FER: variants seen among roughly 807,000 people sequenced by gnomAD.
FER encodes the protein FER tyrosine kinase.
In FER, 63 loss-of-function variants were observed where a neutral mutation model predicts 111.0. That is an observed-to-expected ratio of 0.57 (90% CI 0.46 to 0.70). FER has a LOEUF of 0.70. FER is among the 30% of genes least tolerant of loss of function. FER has a pLI of 0.00. For synonymous variants in FER, 327 were observed against 313.9 expected, an observed-to-expected ratio of 1.04 and a Z score of -0.44; for missense variants, 914 against 954.0, an observed-to-expected ratio of 0.96 and a Z score of 0.55.
At chr5:109,017,325 T>G (rs1767282299) in intron 13 of FER, among the ~76,000 whole-genome samples, 1 of 151,988 alleles carries the variant, frequency 6.6e-6, no homozygotes, top group Non-Finnish European at 1.5e-5. Context: ...GACAAGATAG[T>G]TATTATAGAA....
At chr5:109,177,405 G>A (rs1757817864) in intron 17 of FER, 1 of 150,918 alleles carries the variant, frequency 6.6e-6, no homozygotes, top group African/African-American at 2.4e-5. Flanking sequence ...GACCCAGTGG[G>A]AATAGTTTTT....
At chr5:108,897,487 C>G (rs1749319502) in intron 9 of FER, among the ~76,000 whole-genome samples, 172 bp from the exon 10 acceptor site, 1 of 152,102 alleles carries the variant, frequency 6.6e-6, no homozygotes, top group South Asian at 2.1e-4. Context: ...TTTGTTAATG[C>G]TAGCATGTAA....
chr5:108,753,397 C>T (rs559504741), intron 1 of FER, among the ~76,000 whole-genome samples: 200 of 152,116 alleles, frequency 1.3e-3, no homozygotes, highest in African/African-American at 4.3e-3. Flanking sequence ...CTTATTGTAT[C>T]TCAGCAGGGA....
At chr5:108,802,773 T>A (rs978848489) in intron 3 of FER, among the ~76,000 whole-genome samples, 2 of 152,084 alleles carry the variant, frequency 1.3e-5, no homozygotes, top group Non-Finnish European at 2.9e-5. Flanking sequence ...CCTTAAAACT[T>A]ACGAATTTTC....
At chr5:108,926,114 CTTT>C (rs1456887265) in intron 10 of FER, among the ~76,000 whole-genome samples, 1 of 149,912 alleles carries the variant, frequency 6.7e-6, no homozygotes, top group Non-Finnish European at 1.5e-5. Context: ...ACATTTTGTG[CTTT>C]TTATTTATTT....
chr5:109,008,943 C>G (rs1765857836), intron 13 of FER, among the ~76,000 whole-genome samples: 1 of 152,082 alleles, frequency 6.6e-6, no homozygotes, highest in African/African-American at 2.4e-5. Context: ...GCACTCTAGC[C>G]TGGGCAACAA....
At chr5:108,899,754 A>G (rs1191790050) in intron 10 of FER, among the ~76,000 whole-genome samples, 2 of 151,662 alleles carry the variant, frequency 1.3e-5, no homozygotes, top group Non-Finnish European at 2.9e-5. Context: ...CAGTGAGCTG[A>G]GATCGTGCCA....
intron 17 of FER, among the ~76,000 whole-genome samples, chr5:109,110,884 C>T (rs1023259023): frequency 8.5e-5 from 13 of 152,048 alleles, no homozygotes; most frequent in African/African-American, 2.9e-4. Context: ...TCTACTGGGA[C>T]GCTACTATAT....
intron 13 of FER, among the ~76,000 whole-genome samples, chr5:109,001,872 C>A (rs919717275): frequency 6.6e-6 from 1 of 152,118 alleles, no homozygotes; most frequent in African/African-American, 2.4e-5. Flanking sequence ...CATGAGTGAA[C>A]TCCCATTCAC....
chr5:109,150,139 A>G (rs542973501), intron 17 of FER, among the ~76,000 whole-genome samples: 8 of 152,114 alleles, frequency 5.3e-5, no homozygotes, highest in Non-Finnish European at 1.0e-4. Flanking sequence ...TGGTGCCAAA[A>G]GCGCTGGGGA....
intron 13 of FER, among the ~76,000 whole-genome samples, chr5:109,035,703 C>A (rs1010345924): frequency 2.0e-5 from 3 of 152,088 alleles, no homozygotes. Context: ...TGAGAAACTT[C>A]CAAATTATTT....
intron 2 of FER, among the ~76,000 whole-genome samples, chr5:108,770,982 G>C (rs1053139994): frequency 4.7e-4 from 72 of 151,840 alleles, no homozygotes; most frequent in South Asian, 2.1e-4. Context: ...TGTCACCCAG[G>C]CTGGAGTGCA....
chr5:108,779,968 A>T (rs1753877377), intron 2 of FER, among the ~76,000 whole-genome samples: 1 of 152,228 alleles, frequency 6.6e-6, no homozygotes. Flanking sequence ...ATAAGCATAT[A>T]TCTGTATACA....
At chr5:108,992,703 G>A (rs1470523489) in intron 13 of FER, among the ~76,000 whole-genome samples, 2 of 151,808 alleles carry the variant, frequency 1.3e-5, no homozygotes, top group Admixed American at 6.6e-5. Flanking sequence ...CCTCCCGGAT[G>A]GGGTGGCTGC....
intron 16 of FER, among the ~76,000 whole-genome samples, chr5:109,060,012 C>T (rs893699230): frequency 2.6e-5 from 4 of 152,098 alleles, no homozygotes; most frequent in African/African-American, 9.7e-5. Context: ...AAATGAGCTA[C>T]TAATATATGC....
chr5:109,037,505 C>A, intron 14 of FER, 27 bp downstream of exon 14: 2 of 1,590,536 alleles, frequency 1.3e-6, no homozygotes. Flanking sequence ...GCTAAATAAC[C>A]AGAAGTCTCT....
At chr5:108,898,528 T>C (rs547365187) in intron 10 of FER, among the ~76,000 whole-genome samples, 1 of 144,734 alleles carries the variant, frequency 6.9e-6, no homozygotes, top group East Asian at 2.1e-4. Context: ...TCTTCCTTCC[T>C]TTCCCTCCCT....
Position 108,798,407 on chromosome 5 carries a change from ACT to A in FER, c.207+21_207+22del, listed in dbSNP as rs777136210. 1.9e-6 allele frequency: 3 copies of A among 1,570,694 alleles called. No individual in the cohort carries two copies. The highest frequency in any genetic ancestry group is 2.6e-6 in the Non-Finnish European group (3 of 1,143,410). On this transcript the variant is annotated intron_variant, in intron 3 of 19. Coordinates refer to ENST00000281092, the MANE Select transcript of FER (RefSeq NM_005246.4). ...TATCCAAGGTAAGAAGAATAATTTC[ACT>A]CTTTGTTATTTATAACATTATAATT...
chr5:109,031,683 G>A (rs375313403), intron 13 of FER, among the ~76,000 whole-genome samples: 5 of 152,216 alleles, frequency 3.3e-5, no homozygotes, highest in African/African-American at 1.2e-4. Context: ...ACTCTATCTA[G>A]AAGATTTCTA....
Sources: gnomAD v4.1 joint callset for allele counts (sites outside exome capture counted in the v4.1 genomes callset) on GRCh38, gnomAD v4.1.1 for gene constraint, MANE v1.5 for transcripts, NCBI Gene and HGNC (gene_info 2026-07-23, HGNC 2026-07-21) for gene names.